The following ZNF713 variants were observed in gnomAD, a reference collection of about 807,000 sequenced individuals.
The protein encoded by ZNF713 is zinc finger protein 713.
Under a neutral mutation model 28.7 loss-of-function variants are expected in ZNF713, and 21 were observed. The observed-to-expected ratio is 0.73, with a 90% CI of 0.52 to 1.05. The LOEUF (loss-of-function observed/expected upper bound fraction) is 1.05. Ranked by LOEUF, ZNF713 falls within the 50% of genes least tolerant of loss-of-function variation. The pLI is 0.00. For synonymous variants in ZNF713, 167 were observed against 178.0 expected (o/e 0.94, Z 0.49); for missense variants, 458 against 532.4 (o/e 0.86, Z 1.37).
At chr7:55,929,252 G>A (rs1022390103) in intron 6 of ZNF713, among the ~76,000 whole-genome samples, 3 of 152,166 alleles carry the variant, frequency 2.0e-5, no homozygotes, top group Admixed American at 6.6e-5. Context: ...AAGGAAAATC[G>A]ATGAGGGAGA....
intron 4 of ZNF713, among the ~76,000 whole-genome samples, chr7:55,922,511 C>T (rs1195225848): frequency 6.0e-5 from 9 of 150,340 alleles, no homozygotes; most frequent in Non-Finnish European, 1.5e-5. Flanking sequence ...GCACTCCAGC[C>T]TGGGCAACAG....
At chr7:55,914,405 A>C (rs2116219654) in intron 4 of ZNF713, among the ~76,000 whole-genome samples, 1 of 152,140 alleles carries the variant, frequency 6.6e-6, no homozygotes. Flanking sequence ...ATGTTGCCCA[A>C]GCTGTTCTCA....
At chr7:55,892,568 A>AAC (rs1554335059) in intron 1 of ZNF713, among the ~76,000 whole-genome samples, 2 of 149,960 alleles carry the variant, frequency 1.3e-5, no homozygotes, top group African/African-American at 2.4e-5. Flanking sequence ...AAAAAAAAAA[A>AAC]AAAAAAAAAA....
At chr7:55,896,601 GTA>G (rs4049408) in intron 1 of ZNF713, among the ~76,000 whole-genome samples, 1 of 149,298 alleles carries the variant, frequency 6.7e-6, no homozygotes, top group Non-Finnish European at 1.5e-5. Flanking sequence ...GTGTGTGTGT[GTA>G]TATATATATA....
At chr7:55,900,101 A>G (rs1045421790) in intron 1 of ZNF713, among the ~76,000 whole-genome samples, 6 of 152,124 alleles carry the variant, frequency 3.9e-5, no homozygotes, top group Admixed American at 1.3e-4. Context: ...CTGTACTCCT[A>G]TGTTTATTGC....
Position 55,939,035 on chromosome 7 carries a change from G to A in ZNF713, c.361G>A (p.Asp121Asn). ...GTCAACCACAAGCCAGAATATTTCTGATGAAAATCAAACCCATGAGATGAT... is the reference window on the plus strand; with the variant it reads ...GTCAACCACAAGCCAGAATATTTCTAATGAAAATCAAACCCATGAGATGAT... ...KKSTTSQNIS[D>N]ENQTHEMIME... Residue 121 changes from aspartate to asparagine, a missense_variant, in exon 7 of 7, where the codon GAT becomes AAT. Coordinates refer to ENST00000429591, the MANE Select transcript of ZNF713 (RefSeq NM_182633.3). The A allele has an allele frequency of 6.2e-7, 1 of 1,606,590 alleles. No homozygotes were observed. The highest frequency in any genetic ancestry group is 1.1e-5 in the South Asian group (1 of 89,108).
At chr7:55,891,691 TC>T (rs899342206) in intron 1 of ZNF713, among the ~76,000 whole-genome samples, 2 of 151,818 alleles carry the variant, frequency 1.3e-5, no homozygotes, top group Non-Finnish European at 2.9e-5. Flanking sequence ...AGATCCTGTC[TC>T]AAAACAAAAA....
intron 4 of ZNF713, 135 bp downstream of exon 4, chr7:55,912,858 C>T (rs2116215857): frequency 3.0e-6 from 2 of 659,200 alleles, no homozygotes; most frequent in South Asian, 3.9e-5. Context: ...GATATACTCT[C>T]CACAGCATGT....
intron 6 of ZNF713, among the ~76,000 whole-genome samples, chr7:55,930,634 C>T (rs545176953): frequency 6.6e-6 from 1 of 152,138 alleles, no homozygotes; most frequent in Non-Finnish European, 1.5e-5. Context: ...TGGTGCACAC[C>T]TGTAGTCCCA....
chr7:55,928,296 G>A (rs546174850), intron 6 of ZNF713, among the ~76,000 whole-genome samples: 26 of 152,194 alleles, frequency 1.7e-4, no homozygotes, highest in Non-Finnish European at 2.9e-4. Flanking sequence ...AGGGTTTATA[G>A]GACAGGGGTT....
At chr7:55,934,695 G>A (rs1786307602) in intron 6 of ZNF713, among the ~76,000 whole-genome samples, 1 of 152,020 alleles carries the variant, frequency 6.6e-6, no homozygotes, top group Admixed American at 6.6e-5. Context: ...TTTATAGACA[G>A]GATTTCACTT....
chr7:55,931,588 C>T (rs1344378945), intron 6 of ZNF713, among the ~76,000 whole-genome samples: 1 of 147,174 alleles, frequency 6.8e-6, no homozygotes, highest in East Asian at 1.9e-4. Context: ...CTCCCTCCTT[C>T]TTTCCCTCTC....
intron 2 of ZNF713, among the ~76,000 whole-genome samples, chr7:55,909,898 G>A (rs1785752048): frequency 6.6e-6 from 1 of 151,426 alleles, no homozygotes; most frequent in Admixed American, 6.6e-5. Context: ...AAATATTACT[G>A]ATTCTTTTAC....
At chr7:55,892,826 A>C (rs1785411811) in intron 1 of ZNF713, among the ~76,000 whole-genome samples, 1 of 148,976 alleles carries the variant, frequency 6.7e-6, no homozygotes, top group East Asian at 2.0e-4. Flanking sequence ...AACCGAGATC[A>C]TGCCATTGCA....
At chr7:55,927,920 A>AG (rs1786134018) in intron 6 of ZNF713, among the ~76,000 whole-genome samples, 1 of 147,012 alleles carries the variant, frequency 6.8e-6, no homozygotes, top group African/African-American at 2.5e-5. Context: ...AAAAAAAAAA[A>AG]GCCACAAGAG....
chr7:55,893,625 G>C (rs1785426076), intron 1 of ZNF713, among the ~76,000 whole-genome samples: 1 of 152,100 alleles, frequency 6.6e-6, no homozygotes, highest in Non-Finnish European at 1.5e-5. Flanking sequence ...GGTTGCCAAG[G>C]CTGGAGTACA....
chr7:55,923,720 A>G (rs374753579), intron 6 of ZNF713, 21 bp downstream of exon 6: 3 of 1,594,676 alleles, frequency 1.9e-6, no homozygotes, highest in African/African-American at 2.7e-5. Flanking sequence ...ACTCTTGGGC[A>G]CTGCTACTTA....
rs55972416 is a variant in ZNF713 at position 55,895,451 on chromosome 7, CTTTTTTTTTTTTT to C, written c.-583+7793_-583+7805del. ...ATATGCTGTTATATTCTGTTATACTCTTTTTTTTTTTTTTTTTTTTTTTTTTTTTTTTTTGAGA... is the reference window on the plus strand; with the variant it reads ...ATATGCTGTTATATTCTGTTATACTCTTTTTTTTTTTTTTTTTTTTTGAGA... On this transcript the variant is annotated intron_variant, in intron 1 of 6. Coordinates refer to ENST00000429591, the MANE Select transcript of ZNF713 (RefSeq NM_182633.3). Among the ~76,000 whole-genome samples, 239 of 82,376 alleles carry C rather than the reference CTTTTTTTTTTTTT, an allele frequency of 2.9e-3. 7 individuals are homozygous for C. The South Asian group carries it at 0.034, about 12-fold the overall frequency. The allele number at this position is 82,376 out of a possible 152,430, so 54.0% of individuals were successfully genotyped here. A position where few individuals can be genotyped will look rare whatever the true frequency, so the allele number is the denominator to read the frequency against.
At chr7:55,938,950 G>A (rs917038054) in intron 6 of ZNF713, 32 bp from the exon 7 acceptor site, 13 of 1,533,782 alleles carry the variant, frequency 8.5e-6, no homozygotes, top group African/African-American at 8.4e-5. Context: ...GAGAATATTG[G>A]AAAGTATTTG....
Sources: gnomAD v4.1 joint callset for allele counts (sites outside exome capture counted in the v4.1 genomes callset) on GRCh38, gnomAD v4.1.1 for gene constraint, MANE v1.5 for transcripts, NCBI Gene and HGNC (gene_info 2026-07-23, HGNC 2026-07-21) for gene names.